Variants in LINGO2 observed in about 807,000 individuals in gnomAD.
LINGO2 encodes leucine-rich repeat and immunoglobulin-like domain-containing nogo receptor-interacting protein 2.
A neutral mutation model predicts 30.6 loss-of-function variants in LINGO2; 14 were observed. That is an observed-to-expected ratio of 0.46 (90% CI 0.30 to 0.72). The LOEUF (loss-of-function observed/expected upper bound fraction) is 0.72, where lower values mean the gene tolerates loss of function less well. LINGO2 is among the 30% of genes least tolerant of loss of function. The pLI is 0.07. For synonymous variants in LINGO2, 317 were observed against 288.5 expected, an observed-to-expected ratio of 1.10 and a Z score of -1.00; for missense variants, 729 against 751.7, an observed-to-expected ratio of 0.97 and a Z score of 0.35.
chr9:28,154,226 G>C (rs1255043686), intron 4 of LINGO2, among the ~76,000 whole-genome samples: 1 of 152,092 alleles, frequency 6.6e-6, no homozygotes. Flanking sequence ...TGTATAGCCT[G>C]CTATTTATTA....
intron 4 of LINGO2, among the ~76,000 whole-genome samples, chr9:28,055,199 T>C (rs973415267): frequency 1.1e-4 from 17 of 152,194 alleles, no homozygotes; most frequent in African/African-American, 4.1e-4. Flanking sequence ...TTTAAGTTTC[T>C]GCAGACAATT....
chr9:28,431,040 GAGAGAGAGAGAGAGAGAGA>G (rs1823653061), intron 2 of LINGO2, among the ~76,000 whole-genome samples: 1 of 76,310 alleles, frequency 1.3e-5, no homozygotes, highest in Non-Finnish European at 3.8e-5. Context: ...GAGAGAGAGA[GAGAGAGAGAGAGAGAGAGA>G]GAGAGAGAGA....
At chr9:28,933,633 G>T in the LINGO2 span, among the ~76,000 whole-genome samples, 1 of 152,036 alleles carries the variant, frequency 6.6e-6, no homozygotes, top group Non-Finnish European at 1.5e-5. Context: ...ACAGAGCCAG[G>T]GAAGGCCATG....
intron 1 of LINGO2, among the ~76,000 whole-genome samples, chr9:28,640,988 G>T (rs1053036646): frequency 5.9e-5 from 9 of 152,016 alleles, no homozygotes; most frequent in Non-Finnish European, 1.3e-4. Context: ...TGATGGTGAC[G>T]TACAGATGGG....
At chr9:29,066,148 A>G in the LINGO2 span, among the ~76,000 whole-genome samples, 13 of 152,034 alleles carry the variant, frequency 8.6e-5, no homozygotes, top group Non-Finnish European at 1.3e-4. Context: ...ATTAATATTT[A>G]TTAGCCATTG....
intron 1 of LINGO2, among the ~76,000 whole-genome samples, chr9:28,633,279 A>C (rs541275536): frequency 6.6e-6 from 1 of 152,240 alleles, no homozygotes; most frequent in South Asian, 2.1e-4. Context: ...AATTCAGTCA[A>C]GTTGACACTC....
At chr9:28,658,808 C>A (rs932808108) in intron 1 of LINGO2, among the ~76,000 whole-genome samples, 1 of 152,002 alleles carries the variant, frequency 6.6e-6, no homozygotes, top group African/African-American at 2.4e-5. Context: ...GATTAGTTAA[C>A]AGTATCATAT....
At chr9:28,681,400 G>A in the LINGO2 span, among the ~76,000 whole-genome samples, 1 of 152,040 alleles carries the variant, frequency 6.6e-6, no homozygotes, top group African/African-American at 2.4e-5. Context: ...ACCCCATACT[G>A]TGGTGTCCTC....
intron 2 of LINGO2, among the ~76,000 whole-genome samples, chr9:28,422,870 G>A (rs1253809658): frequency 6.6e-6 from 1 of 152,036 alleles, no homozygotes; most frequent in African/African-American, 2.4e-5. Flanking sequence ...TCTGACATGT[G>A]CTATAACGTG....
chr9:28,169,738 T>C (rs13294293), intron 4 of LINGO2, among the ~76,000 whole-genome samples: 16,220 of 152,142 alleles, frequency 0.11, 1,145 homozygotes, highest in Middle Eastern at 0.19. Context: ...AATTGAGAAA[T>C]GGAAAGGTAG....
chr9:28,796,194 A>G, the LINGO2 span, among the ~76,000 whole-genome samples: 2 of 152,134 alleles, frequency 1.3e-5, no homozygotes, highest in Non-Finnish European at 2.9e-5. Flanking sequence ...TTAGACATCA[A>G]AGAGGCAGAG....
At chr9:28,984,227 C>T in the LINGO2 span, among the ~76,000 whole-genome samples, 1 of 152,050 alleles carries the variant, frequency 6.6e-6, no homozygotes, top group Non-Finnish European at 1.5e-5. Flanking sequence ...AGAATATGTG[C>T]TCATTTCGTA....
the LINGO2 span, among the ~76,000 whole-genome samples, chr9:28,959,609 C>CA: frequency 7.8e-5 from 11 of 140,822 alleles, no homozygotes; most frequent in African/African-American, 2.4e-4. Context: ...CTCTCTCTCT[C>CA]CCTCACACAC....
intron 5 of LINGO2, among the ~76,000 whole-genome samples, chr9:27,967,987 T>C (rs896071967): frequency 2.0e-5 from 3 of 152,172 alleles, no homozygotes; most frequent in African/African-American, 4.8e-5. Flanking sequence ...TTAGCAGATA[T>C]TTGGGAACTT....
intron 4 of LINGO2, among the ~76,000 whole-genome samples, chr9:28,033,498 G>T (rs7019497): frequency 0.23 from 35,624 of 151,976 alleles, 5,054 homozygotes; most frequent in East Asian, 0.51. Context: ...AGGGGAGGCA[G>T]AGCACTAGGA....
At chr9:28,814,645 T>G in the LINGO2 span, among the ~76,000 whole-genome samples, 1 of 152,156 alleles carries the variant, frequency 6.6e-6, no homozygotes. Context: ...CCCAGCACTT[T>G]GGGAGGCCGA....
chr9:29,124,107 C>A, the LINGO2 span, among the ~76,000 whole-genome samples: 1 of 152,102 alleles, frequency 6.6e-6, no homozygotes, highest in Non-Finnish European at 1.5e-5. Context: ...AATAAAACCA[C>A]ACATCTACAA....
chr9:28,687,004 G>A, the LINGO2 span, among the ~76,000 whole-genome samples: 1 of 151,912 alleles, frequency 6.6e-6, no homozygotes. Context: ...CTACTTTTAC[G>A]GTACTTTTCA....
chr9:28,904,440 C>T, the LINGO2 span, among the ~76,000 whole-genome samples: 1 of 151,770 alleles, frequency 6.6e-6, no homozygotes, highest in Non-Finnish European at 1.5e-5. Flanking sequence ...AGGACATAAT[C>T]TTATATATAT....
Sources: allele counts gnomAD v4.1 joint callset (sites outside exome capture counted in the v4.1 genomes callset), GRCh38; gene constraint gnomAD v4.1.1; transcripts MANE v1.5; gene names NCBI Gene and HGNC (gene_info 2026-07-23, HGNC 2026-07-21).